HPSE2: variants seen among roughly 807,000 people sequenced by gnomAD.
HPSE2 encodes heparanase 2 (inactive), also known as inactive heparanase-2.
HPSE2 carries 38 observed loss-of-function variants against 60.5 expected under a neutral mutation model. That is an observed-to-expected ratio of 0.63 (90% confidence interval 0.48 to 0.82). The LOEUF (loss-of-function observed/expected upper bound fraction) is 0.82. Ranked by LOEUF, HPSE2 falls within the 40% of genes least tolerant of loss-of-function variation. The pLI, the probability that HPSE2 is intolerant of heterozygous loss-of-function variation, is 0.00. For missense variants in HPSE2, 713 were observed against 740.4 expected (o/e 0.96, Z 0.43); for synonymous variants, 295 against 293.2 (o/e 1.01, Z -0.06).
At chr10:99,158,066 C>G (rs1401480832) in intron 2 of HPSE2, among the ~76,000 whole-genome samples, 3 of 142,706 alleles carry the variant, frequency 2.1e-5, no homozygotes, top group African/African-American at 7.6e-5. Flanking sequence ...CCATCTCACA[C>G]CAGTTAGAAT....
At chr10:98,571,322 A>G (rs969632143) in intron 9 of HPSE2, among the ~76,000 whole-genome samples, 1 of 152,078 alleles carries the variant, frequency 6.6e-6, no homozygotes. Context: ...TGGGCAACAC[A>G]GTGAGATTCT....
chr10:98,499,186 T>G (rs1941949339), intron 9 of HPSE2, among the ~76,000 whole-genome samples: 1 of 152,184 alleles, frequency 6.6e-6, no homozygotes, highest in Non-Finnish European at 1.5e-5. Flanking sequence ...GATCATCACC[T>G]AGGCATATTG....
intron 3 of HPSE2, among the ~76,000 whole-genome samples, chr10:98,909,810 T>C (rs1483342279): frequency 6.6e-6 from 1 of 152,050 alleles, no homozygotes; most frequent in Non-Finnish European, 1.5e-5. Context: ...AATAAACAAC[T>C]TAAATGCCAT....
intron 2 of HPSE2, among the ~76,000 whole-genome samples, chr10:99,205,874 T>G (rs1030505446): frequency 6.6e-6 from 1 of 152,214 alleles, no homozygotes; most frequent in African/African-American, 2.4e-5. Flanking sequence ...ATGAGCAATT[T>G]GTCTCTCCAA....
At chr10:99,012,638 C>T (rs1957043657) in intron 3 of HPSE2, among the ~76,000 whole-genome samples, 1 of 152,072 alleles carries the variant, frequency 6.6e-6, no homozygotes, top group Non-Finnish European at 1.5e-5. Flanking sequence ...GAGGTATATA[C>T]ACAATACATA....
chr10:98,490,238 T>A (rs750924789), intron 9 of HPSE2, 42 bp from the exon 10 acceptor site: 1 of 1,595,172 alleles, frequency 6.3e-7, no homozygotes, highest in Non-Finnish European at 8.5e-7. Context: ...AGAGAACACA[T>A]GCTCAGGTGT....
chr10:98,743,405 T>C (rs1376433090), intron 4 of HPSE2, among the ~76,000 whole-genome samples: 1 of 152,232 alleles, frequency 6.6e-6, no homozygotes, highest in African/African-American at 2.4e-5. Context: ...ACAAGACTTC[T>C]TATAGCCTTT....
intron 9 of HPSE2, among the ~76,000 whole-genome samples, chr10:98,573,464 C>A (rs971811814): frequency 2.5e-5 from 1 of 39,648 alleles, no homozygotes; most frequent in African/African-American, 4.2e-5. Context: ...GTGGAGAGCC[C>A]ACTCTGGGGA....
intron 3 of HPSE2, among the ~76,000 whole-genome samples, chr10:98,988,786 A>G (rs1956442573): frequency 9.1e-6 from 1 of 109,596 alleles, no homozygotes; most frequent in Admixed American, 9.7e-5. Context: ...AATGAACTCA[A>G]ACAAATTTAC....
intron 3 of HPSE2, among the ~76,000 whole-genome samples, chr10:98,859,619 T>A (rs1385344939): frequency 1.3e-5 from 2 of 152,276 alleles, no homozygotes; most frequent in East Asian, 3.9e-4. Flanking sequence ...CTTCAGGACT[T>A]AGACCAACCC....
the HPSE2 span, among the ~76,000 whole-genome samples, chr10:99,246,138 T>C: frequency 1.3e-5 from 2 of 152,160 alleles, no homozygotes; most frequent in African/African-American, 2.4e-5. Flanking sequence ...TATAAGATAG[T>C]TGTTGAAAGA....
At chr10:98,869,915 C>T (rs1952688066) in intron 3 of HPSE2, among the ~76,000 whole-genome samples, 1 of 151,936 alleles carries the variant, frequency 6.6e-6, no homozygotes, top group African/African-American at 2.4e-5. Flanking sequence ...CCTGAGACAG[C>T]CTGACTTGGA....
intron 11 of HPSE2, among the ~76,000 whole-genome samples, chr10:98,469,197 T>C (rs1243063271): frequency 6.6e-6 from 1 of 152,190 alleles, no homozygotes; most frequent in African/African-American, 2.4e-5. Context: ...GCAGACAAGA[T>C]GAGAGCCTGA....
intron 9 of HPSE2, among the ~76,000 whole-genome samples, chr10:98,579,390 A>T (rs962517831): frequency 6.6e-5 from 10 of 152,306 alleles, no homozygotes; most frequent in African/African-American, 2.4e-4. Flanking sequence ...CTCACTGAAG[A>T]TTTAAAGAGT....
chr10:99,094,171 T>C lies in HPSE2; in HGVS notation c.610+50067A>G, dbSNP rs564841475. Among the ~76,000 whole-genome samples, 13 of 152,170 alleles carry C rather than the reference T, an allele frequency of 8.5e-5. No homozygotes were observed. The South Asian group carries it at 1.7e-3, about 19-fold the overall frequency. ...CCCATGAATTACTTAAAAGAGAGTTTGGGGGCTTTTATTTTTGTTTTTTAA... is the reference window on the plus strand; with the variant it reads ...CCCATGAATTACTTAAAAGAGAGTTCGGGGGCTTTTATTTTTGTTTTTTAA... On this transcript the variant is annotated intron_variant, in intron 3 of 11. Transcript: ENST00000370552.
chr10:99,061,674 T>C (rs567295528), intron 3 of HPSE2, among the ~76,000 whole-genome samples: 23 of 152,332 alleles, frequency 1.5e-4, no homozygotes, highest in African/African-American at 5.3e-4. Flanking sequence ...CAATACAGCA[T>C]AGTAGTTAAG....
At chr10:99,048,568 T>C (rs1050282365) in intron 3 of HPSE2, among the ~76,000 whole-genome samples, 1 of 151,962 alleles carries the variant, frequency 6.6e-6, no homozygotes, top group Non-Finnish European at 1.5e-5. Context: ...TTTTAAAAAG[T>C]CAAAAAAACA....
chr10:99,165,075 C>A (rs1303963710), intron 2 of HPSE2, among the ~76,000 whole-genome samples: 1 of 95,068 alleles, frequency 1.1e-5, no homozygotes, highest in African/African-American at 3.9e-5. Context: ...GAGCAAGACT[C>A]GGTCTCAAAA....
intron 3 of HPSE2, among the ~76,000 whole-genome samples, chr10:99,005,208 T>C (rs1956863621): frequency 6.6e-6 from 1 of 152,080 alleles, no homozygotes; most frequent in African/African-American, 2.4e-5. Flanking sequence ...TTCCCAGATT[T>C]GAAAAGTTTT....
Sources: gnomAD v4.1 joint callset for allele counts (sites outside exome capture counted in the v4.1 genomes callset) on GRCh38, gnomAD v4.1.1 for gene constraint, MANE v1.5 for transcripts, NCBI Gene and HGNC (gene_info 2026-07-23, HGNC 2026-07-21) for gene names.